The following SDK1 variants were observed in gnomAD, a reference collection of about 807,000 sequenced individuals.
SDK1 encodes the protein sidekick cell adhesion molecule 1.
A neutral mutation model predicts 245.5 loss-of-function variants in SDK1; 157 were observed. The ratio of observed to expected loss-of-function variants is 0.64; its 90% CI spans 0.56 to 0.73. The LOEUF (loss-of-function observed/expected upper bound fraction) is 0.73, where lower values mean the gene tolerates loss of function less well. Ranked by LOEUF, SDK1 falls within the 30% of genes least tolerant of loss-of-function variation. SDK1 has a pLI of 0.00. For missense variants in SDK1, 3,583 were observed against 3,002.3 expected, an observed-to-expected ratio of 1.19 and a Z score of -4.52; for synonymous variants, 1,647 against 1,278.5, an observed-to-expected ratio of 1.29 and a Z score of -6.15.
At chr7:3,731,758 C>G (rs538272659) in intron 4 of SDK1, among the ~76,000 whole-genome samples, 1 of 152,092 alleles carries the variant, frequency 6.6e-6, no homozygotes. Context: ...AAAAAATTCT[C>G]CATGGAGAAG....
At chr7:3,814,845 A>T (rs1402510254) in intron 4 of SDK1, among the ~76,000 whole-genome samples, 3 of 151,466 alleles carry the variant, frequency 2.0e-5, no homozygotes, top group African/African-American at 7.3e-5. Flanking sequence ...TGTAAGGTGG[A>T]TTCCTAGGTA....
intron 4 of SDK1, among the ~76,000 whole-genome samples, chr7:3,770,716 A>G (rs908199776): frequency 5.3e-5 from 8 of 151,954 alleles, no homozygotes; most frequent in African/African-American, 1.9e-4. Flanking sequence ...CTGTCTCCTG[A>G]TTCTCAGTGG....
intron 7 of SDK1, 69 bp downstream of exon 7, chr7:3,951,989 A>C (rs1418690290): frequency 6.7e-5 from 95 of 1,411,210 alleles, no homozygotes; most frequent in Admixed American, 2.2e-4. Flanking sequence ...TCTTCTGCAG[A>C]AACAAAATAG....
intron 4 of SDK1, among the ~76,000 whole-genome samples, chr7:3,681,307 G>A (rs867051896): frequency 2.0e-5 from 3 of 152,110 alleles, no homozygotes; most frequent in African/African-American, 2.4e-5. Context: ...GAAAGCATTC[G>A]TTTTCATTGC....
intron 4 of SDK1, among the ~76,000 whole-genome samples, chr7:3,673,865 T>C (rs1255124134): frequency 1.3e-5 from 2 of 152,222 alleles, no homozygotes; most frequent in African/African-American, 4.8e-5. Context: ...TTCTTGAACA[T>C]TGAGATTATT....
Position 3,715,676 on chromosome 7 carries a change from T to C in SDK1, c.713+73571T>C, listed in dbSNP as rs532087339. Among the ~76,000 whole-genome samples, 48 of 152,296 alleles carry C rather than the reference T, an allele frequency of 3.2e-4. 1 individual carries two copies. In the South Asian group the frequency reaches 9.6e-3, roughly 30 times the overall value. On this transcript the variant is annotated intron_variant, in intron 4 of 44. Transcript: ENST00000404826. ...CCCTAAACCCATCAGGCAACTGCCA[T>C]CTAAAATAAAAGATTTAAATAGGAC...
At chr7:4,031,132 TAAGTC>T (rs1174916059) in intron 17 of SDK1, among the ~76,000 whole-genome samples, 1 of 151,998 alleles carries the variant, frequency 6.6e-6, no homozygotes, top group Non-Finnish European at 1.5e-5. Flanking sequence ...TGGACACAGA[TAAGTC>T]TATATACACA....
chr7:3,704,063 C>G (rs73302260), intron 4 of SDK1, among the ~76,000 whole-genome samples: 1 of 151,960 alleles, frequency 6.6e-6, no homozygotes, highest in Non-Finnish European at 1.5e-5. Flanking sequence ...TTTCTGAGTT[C>G]CCATAGTCCA....
intron 1 of SDK1, among the ~76,000 whole-genome samples, chr7:3,496,209 C>T (rs942824540): frequency 3.9e-5 from 6 of 152,138 alleles, no homozygotes; most frequent in East Asian, 1.9e-4. Flanking sequence ...GGACCTGTCT[C>T]GTGGGATCGC....
intron 4 of SDK1, among the ~76,000 whole-genome samples, chr7:3,727,576 C>T (rs1199456612): frequency 1.3e-5 from 2 of 152,096 alleles, no homozygotes; most frequent in East Asian, 1.9e-4. Context: ...TGGCAACCTC[C>T]ACCTCCTGGG....
intron 14 of SDK1, among the ~76,000 whole-genome samples, chr7:3,991,506 G>A (rs943315386): frequency 1.3e-5 from 2 of 152,198 alleles, no homozygotes; most frequent in African/African-American, 2.4e-5. Flanking sequence ...TGGGGTCCCT[G>A]TGTTGGTCCT....
At chr7:3,881,151 A>G (rs758525477) in intron 5 of SDK1, among the ~76,000 whole-genome samples, 4 of 151,932 alleles carry the variant, frequency 2.6e-5, no homozygotes, top group Non-Finnish European at 5.9e-5. Flanking sequence ...CAGGTTTGTT[A>G]CGCAGGTAAA....
At chr7:3,931,519 A>G in intron 5 of SDK1, among the ~76,000 whole-genome samples, 1 of 152,236 alleles carries the variant, frequency 6.6e-6, no homozygotes, top group East Asian at 1.9e-4. Flanking sequence ...TAAGTAAACA[A>G]CTGCGTAGCT....
chr7:3,852,775 AAT>A (rs879498257), intron 5 of SDK1, among the ~76,000 whole-genome samples: 4 of 147,692 alleles, frequency 2.7e-5, no homozygotes, highest in Admixed American at 6.8e-5. Flanking sequence ...AAAAAAAAAA[AAT>A]TTTTTTCCTT....
At chr7:3,391,802 AT>A (rs1381218914) in intron 1 of SDK1, among the ~76,000 whole-genome samples, 16 of 151,304 alleles carry the variant, frequency 1.1e-4, no homozygotes, top group South Asian at 4.2e-4. Flanking sequence ...TAATTTTTGT[AT>A]TTTTTTGTAG....
At chr7:3,578,878 TAC>T (rs1258270490) in intron 1 of SDK1, among the ~76,000 whole-genome samples, 1 of 151,964 alleles carries the variant, frequency 6.6e-6, no homozygotes, top group African/African-American at 2.4e-5. Flanking sequence ...AATCATTTTA[TAC>T]AGTTAACCCA....
chr7:3,466,831 T>A (rs1484795725), intron 1 of SDK1, among the ~76,000 whole-genome samples: 1 of 151,972 alleles, frequency 6.6e-6, no homozygotes, highest in Non-Finnish European at 1.5e-5. Flanking sequence ...AACCAAGGAT[T>A]TTTACCAATT....
At chr7:4,128,198 C>A (rs1400194331) in intron 26 of SDK1, among the ~76,000 whole-genome samples, 1 of 152,200 alleles carries the variant, frequency 6.6e-6, no homozygotes, top group African/African-American at 2.4e-5. Context: ...AGCGAGGCCA[C>A]GCTTGTCTCA....
At chr7:3,331,250 G>A (rs901367298) in intron 1 of SDK1, among the ~76,000 whole-genome samples, 2 of 152,196 alleles carry the variant, frequency 1.3e-5, no homozygotes, top group South Asian at 2.1e-4. Context: ...GCAACAAAGC[G>A]AGACTCTGTC....
Sources: gnomAD v4.1 joint callset for allele counts (sites outside exome capture counted in the v4.1 genomes callset) on GRCh38, gnomAD v4.1.1 for gene constraint, MANE v1.5 for transcripts, NCBI Gene and HGNC (gene_info 2026-07-23, HGNC 2026-07-21) for gene names.